The following TNRC6A variants were observed in gnomAD, a reference collection of about 807,000 sequenced individuals.
The protein encoded by TNRC6A is trinucleotide repeat-containing gene 6A protein.
Under a neutral mutation model 221.2 loss-of-function variants are expected in TNRC6A, and 44 were observed. The ratio of observed to expected loss-of-function variants is 0.20; its 90% CI spans 0.16 to 0.26. TNRC6A has a LOEUF of 0.26. Among genes scored for constraint, TNRC6A ranks in the 10% least tolerant of loss-of-function variants. TNRC6A has a pLI of 1.00. For synonymous variants in TNRC6A, 847 were observed against 838.5 expected, an observed-to-expected ratio of 1.01 and a Z score of -0.18; for missense variants, 2,199 against 2,404.4, an observed-to-expected ratio of 0.91 and a Z score of 1.79.
At chr16:24,719,261 T>A (rs535553610) in intron 2 of TNRC6A, among the ~76,000 whole-genome samples, 2 of 151,832 alleles carry the variant, frequency 1.3e-5, no homozygotes, top group South Asian at 4.2e-4. Flanking sequence ...TGGCAGACAC[T>A]TGTAATCATA....
intron 3 of TNRC6A, among the ~76,000 whole-genome samples, chr16:24,754,800 A>T (rs2057214486): frequency 6.6e-6 from 1 of 152,198 alleles, no homozygotes; most frequent in Admixed American, 6.5e-5. Context: ...AAGCAACAAT[A>T]CAAGTTGGGA....
chr16:24,645,649 A>G, intron 2 of TNRC6A, among the ~76,000 whole-genome samples: 1 of 151,520 alleles, frequency 6.6e-6, no homozygotes, highest in East Asian at 1.9e-4. Context: ...ATATTCTTCA[A>G]ATTTTTCTTG....
chr16:24,735,209 G>A (rs2056736857), intron 2 of TNRC6A, among the ~76,000 whole-genome samples: 1 of 152,186 alleles, frequency 6.6e-6, no homozygotes, highest in Admixed American at 6.5e-5. Context: ...AACCTGGGAG[G>A]TGGAGGTTGC....
At chr16:24,625,294 G>T (rs1032387016) in intron 1 of TNRC6A, among the ~76,000 whole-genome samples, 1 of 152,224 alleles carries the variant, frequency 6.6e-6, no homozygotes, top group Non-Finnish European at 1.5e-5. Context: ...CATGGAGAAA[G>T]AAATCAATTA....
At chr16:24,758,397 A>T (rs774043782) in intron 4 of TNRC6A, 37 bp downstream of exon 4, 3 of 1,603,348 alleles carry the variant, frequency 1.9e-6, no homozygotes, top group Non-Finnish European at 2.6e-6. Context: ...CCCTTTTTTC[A>T]TTAAAGCAAG....
At chr16:24,736,754 A>G (rs184948330) in intron 2 of TNRC6A, among the ~76,000 whole-genome samples, 1 of 152,368 alleles carries the variant, frequency 6.6e-6, no homozygotes, top group East Asian at 1.9e-4. Context: ...TCTTACTTCT[A>G]CACTGACTTG....
chr16:24,731,190 A>G (rs1195378228), intron 2 of TNRC6A, among the ~76,000 whole-genome samples: 4 of 152,106 alleles, frequency 2.6e-5, no homozygotes, highest in Non-Finnish European at 5.9e-5. Flanking sequence ...ATCCGTGAAT[A>G]GCTTTCTTTT....
intron 1 of TNRC6A, among the ~76,000 whole-genome samples, chr16:24,620,700 C>T (rs557681132): frequency 1.9e-4 from 29 of 152,128 alleles, no homozygotes; most frequent in Admixed American, 3.3e-4. Context: ...TCCAGCTACT[C>T]GGGAGGCTGA....
intron 15 of TNRC6A, 55 bp downstream of exon 15, chr16:24,805,788 C>T: frequency 6.2e-7 from 1 of 1,607,712 alleles, no homozygotes; most frequent in Non-Finnish European, 8.5e-7. Flanking sequence ...CTACTGTATG[C>T]CAAACACTAG....
chr16:24,622,829 C>T (rs1900746787), intron 1 of TNRC6A, among the ~76,000 whole-genome samples: 1 of 152,112 alleles, frequency 6.6e-6, no homozygotes, highest in African/African-American at 2.4e-5. Flanking sequence ...TATCATGATG[C>T]CGGCCAATAT....
chr16:24,610,739 C>T (rs561986438), intron 1 of TNRC6A, among the ~76,000 whole-genome samples: 1 of 152,228 alleles, frequency 6.6e-6, no homozygotes, highest in Non-Finnish European at 1.5e-5. Flanking sequence ...CCGAGCCTCT[C>T]CTCTCTCTAT....
At chr16:24,680,200 C>T (rs150871285) in intron 2 of TNRC6A, among the ~76,000 whole-genome samples, 3 of 151,296 alleles carry the variant, frequency 2.0e-5, no homozygotes, top group South Asian at 2.1e-4. Flanking sequence ...AGGCTGAAGG[C>T]GGGAGGATGA....
At chr16:24,776,245 T>C in intron 4 of TNRC6A, 1 of 983,782 alleles carries the variant, frequency 1.0e-6, no homozygotes, top group South Asian at 4.7e-5. Flanking sequence ...GTCAAAAATT[T>C]CCCTATTTGC....
chr16:24,814,824 T>G (rs1371831863), intron 18 of TNRC6A, among the ~76,000 whole-genome samples: 1 of 152,198 alleles, frequency 6.6e-6, no homozygotes, highest in Admixed American at 6.5e-5. Flanking sequence ...TTTAAACATT[T>G]CTATTGCCTG....
chr16:24,638,120 CA>C (rs1901733795), intron 1 of TNRC6A, among the ~76,000 whole-genome samples: 1 of 152,128 alleles, frequency 6.6e-6, no homozygotes, highest in Non-Finnish European at 1.5e-5. Flanking sequence ...AAACAGGCAG[CA>C]AAAATCAGTA....
chr16:24,736,869 C>T (rs2056780980), intron 2 of TNRC6A, among the ~76,000 whole-genome samples: 1 of 152,196 alleles, frequency 6.6e-6, no homozygotes, highest in Non-Finnish European at 1.5e-5. Flanking sequence ...TTAAATCGAT[C>T]AGCCATAATG....
rs928463254 is a variant in TNRC6A, at chr16:24,668,674, G to A, written n.402+27665G>A. 2.6e-5 allele frequency among the ~76,000 whole-genome samples: 4 copies of A among 152,120 alleles called. No homozygotes were observed. The East Asian group carries it at 5.8e-4, about 22-fold the overall frequency. On this transcript the variant is annotated intron_variant and non_coding_transcript_variant, in intron 2 of 2. Transcript: ENST00000566108. ...GCCTACTTCTTACCCTGCCTTTCCC[G>A]CCCCCTCTGAGAAGAGGTAATTATT... is the stretch of plus-strand genomic sequence containing the variant.
At chr16:24,679,483 T>C (rs1210122619) in intron 2 of TNRC6A, among the ~76,000 whole-genome samples, 2 of 151,934 alleles carry the variant, frequency 1.3e-5, no homozygotes, top group Admixed American at 6.6e-5. Context: ...TTGTTTTTTT[T>C]GTTTTTTTTC....
intron 16 of TNRC6A, 79 bp downstream of exon 16, chr16:24,806,362 G>A: frequency 6.5e-7 from 1 of 1,538,770 alleles, no homozygotes; most frequent in East Asian, 2.3e-5. Context: ...AAGAGATTCA[G>A]AAATGTCTTT....
Sources: gnomAD v4.1 joint callset for allele counts (sites outside exome capture counted in the v4.1 genomes callset) on GRCh38, gnomAD v4.1.1 for gene constraint, MANE v1.5 for transcripts, NCBI Gene and HGNC (gene_info 2026-07-23, HGNC 2026-07-21) for gene names.